Variants in TCF12 observed in about 807,000 individuals in gnomAD.
TCF12 encodes the protein DNA-binding protein HTF4.
In TCF12, 45 loss-of-function variants were observed where a neutral mutation model predicts 86.0. The ratio of observed to expected loss-of-function variants is 0.52; its 90% CI spans 0.41 to 0.67. The LOEUF is 0.67. Among genes scored for constraint, TCF12 ranks in the 30% least tolerant of loss-of-function variants. The pLI, the probability that TCF12 is intolerant of heterozygous loss-of-function variation, is 0.00. For missense variants in TCF12, 881 were observed against 859.9 expected, an observed-to-expected ratio of 1.02 and a Z score of -0.31; for synonymous variants, 330 against 299.6, an observed-to-expected ratio of 1.10 and a Z score of -1.05.
chr15:56,930,520 G>A (rs1190330529), intron 3 of TCF12, among the ~76,000 whole-genome samples: 1 of 152,160 alleles, frequency 6.6e-6, no homozygotes, highest in African/African-American at 2.4e-5. Context: ...TCGGATTTTA[G>A]AAAATGTTTT....
At chr15:57,078,122 T>C (rs1211842597) in intron 4 of TCF12, among the ~76,000 whole-genome samples, 2 of 152,208 alleles carry the variant, frequency 1.3e-5, no homozygotes, top group African/African-American at 4.8e-5. Context: ...ATTTTCCAGT[T>C]ATCAATATGT....
intron 4 of TCF12, among the ~76,000 whole-genome samples, chr15:57,078,557 G>A (rs1256858237): frequency 1.3e-5 from 2 of 152,140 alleles, no homozygotes; most frequent in Non-Finnish European, 2.9e-5. Context: ...CTGGCACAAT[G>A]CCTAATGTAT....
intron 4 of TCF12, among the ~76,000 whole-genome samples, chr15:57,067,919 C>T (rs2069041593): frequency 1.3e-5 from 2 of 152,148 alleles, no homozygotes; most frequent in African/African-American, 4.8e-5. Flanking sequence ...TGAGTTTGTT[C>T]CCTCTCTCCC....
At chr15:57,007,800 T>C (rs1028766328) in intron 3 of TCF12, among the ~76,000 whole-genome samples, 12 of 133,592 alleles carry the variant, frequency 9.0e-5, no homozygotes, top group South Asian at 2.4e-4. Context: ...CTCTCTTTCT[T>C]TCTTTCTTTC....
Position 57,267,391 on chromosome 15 carries a change from G to A in TCF12, c.1745+4117G>A, listed in dbSNP as rs77796692. Among the ~76,000 whole-genome samples, 1,438 of 152,308 alleles carry A rather than the reference G, an allele frequency of 9.4e-3. 11 individuals carry two copies. The highest frequency in any genetic ancestry group is 0.015 in the Non-Finnish European group (990 of 68,020). On this transcript the variant is annotated intron_variant, in intron 18 of 20. Coordinates refer to ENST00000333725, the MANE Select transcript of TCF12 (RefSeq NM_207037.2). ...CAGGGGCATAAGGAAGGAAAAAACTGTGTCAAGGAATTCAGAGACCACTCT... is the reference window on the plus strand; with the variant it reads ...CAGGGGCATAAGGAAGGAAAAAACTATGTCAAGGAATTCAGAGACCACTCT...
chr15:56,932,280 T>A lies in TCF12; in HGVS notation c.148+11182T>A, dbSNP rs192634450. Among the ~76,000 whole-genome samples the A allele has an allele frequency of 2.0e-5, 3 of 152,342 alleles. No individual in the cohort carries two copies. The East Asian group carries it at 5.8e-4, about 29-fold the overall frequency. On this transcript the variant is annotated intron_variant, in intron 3 of 20. Coordinates refer to ENST00000333725, the MANE Select transcript of TCF12 (RefSeq NM_207037.2). ...TGTAGGAAGTTGGTAACTGTTCATTTTACAGAGGAAATAGAGAAATCAACA... is the reference window on the plus strand; with the variant it reads ...TGTAGGAAGTTGGTAACTGTTCATTATACAGAGGAAATAGAGAAATCAACA...
intron 19 of TCF12, among the ~76,000 whole-genome samples, chr15:57,275,568 A>G (rs2061366157): frequency 6.6e-6 from 1 of 152,002 alleles, no homozygotes; most frequent in African/African-American, 2.4e-5. Context: ...TTGTATAGCC[A>G]CTGTCTTTTC....
At chr15:57,219,428 G>A (rs1566933621) in intron 8 of TCF12, 1 of 1,496,186 alleles carries the variant, frequency 6.7e-7, no homozygotes, top group Non-Finnish European at 9.0e-7. Flanking sequence ...TGAATGCATA[G>A]TACTGAAGAC....
intron 3 of TCF12, among the ~76,000 whole-genome samples, chr15:56,978,846 T>A (rs2062747728): frequency 6.6e-6 from 1 of 152,158 alleles, no homozygotes; most frequent in African/African-American, 2.4e-5. Flanking sequence ...TCATAAGAAA[T>A]TCTAAAGATA....
intron 3 of TCF12, among the ~76,000 whole-genome samples, chr15:56,958,972 C>T (rs74888785): frequency 3.2e-4 from 48 of 151,974 alleles, no homozygotes; most frequent in Non-Finnish European, 5.0e-4. Flanking sequence ...ACCTCAGTGC[C>T]CTTTATATGT....
intron 16 of TCF12, among the ~76,000 whole-genome samples, chr15:57,254,857 CAAA>C (rs777934020): frequency 9.7e-6 from 1 of 102,596 alleles, no homozygotes; most frequent in Non-Finnish European, 1.8e-5. Flanking sequence ...GACCCTGTCT[CAAA>C]AAAAAAAAAA....
In TCF12 at chr15:57,008,839, A is replaced by G. The variant is rs185650720; in HGVS notation, c.149-54911A>G. 5.3e-5 allele frequency among the ~76,000 whole-genome samples: 8 copies of G among 152,304 alleles called. No homozygotes were observed. The East Asian group carries it at 1.4e-3, about 26-fold the overall frequency. ...AAATTGTAGATAATGCAAAATTGCA[A>G]TATTTCATGATGTCCATGAAAGGGC... On this transcript the variant is annotated intron_variant, in intron 3 of 20. Transcript: ENST00000333725.
At position 56,935,060 on chromosome 15, in the gene TCF12, A is replaced by G. The variant is rs139811024; in HGVS notation, c.148+13962A>G. Reference sequence around the variant, plus strand: ...AAACAGCAAAACTAAAGACCTTGGAAACGGATAGTGAGGGTTCTTGAATAT... The same window carrying G: ...AAACAGCAAAACTAAAGACCTTGGAGACGGATAGTGAGGGTTCTTGAATAT... On this transcript the variant is annotated intron_variant, in intron 3 of 20. Coordinates refer to ENST00000333725, the MANE Select transcript of TCF12 (RefSeq NM_207037.2). 1.3e-4 allele frequency among the ~76,000 whole-genome samples: 20 copies of G among 152,320 alleles called. No individual in the cohort carries two copies. The East Asian group carries it at 3.7e-3, about 28-fold the overall frequency.
chr15:57,052,120 A>T (rs914282233), intron 3 of TCF12, among the ~76,000 whole-genome samples: 2 of 152,230 alleles, frequency 1.3e-5, no homozygotes, highest in Non-Finnish European at 2.9e-5. Flanking sequence ...TCTACATGAC[A>T]TTAATTTTTG....
intron 8 of TCF12, among the ~76,000 whole-genome samples, chr15:57,217,579 C>T (rs1399387053): frequency 6.6e-6 from 1 of 152,102 alleles, no homozygotes; most frequent in African/African-American, 2.4e-5. Context: ...AAAGTTTTCT[C>T]AGATTGAAGC....
At chr15:57,199,126 C>T (rs1410415109) in intron 8 of TCF12, among the ~76,000 whole-genome samples, 1 of 152,176 alleles carries the variant, frequency 6.6e-6, no homozygotes, top group African/African-American at 2.4e-5. Context: ...CTTGCATAAG[C>T]ACTTGGGCCC....
At chr15:57,245,095 C>G (rs558908486) in intron 13 of TCF12, among the ~76,000 whole-genome samples, 2 of 152,352 alleles carry the variant, frequency 1.3e-5, no homozygotes, top group African/African-American at 2.4e-5. Context: ...TTTTCCTAAT[C>G]AAGCCATTAG....
intron 2 of TCF12, 139 bp from the exon 3 acceptor site, chr15:56,920,887 T>G (rs2059761457): frequency 3.5e-6 from 2 of 571,276 alleles, no homozygotes; most frequent in African/African-American, 3.8e-5. Context: ...TTTGCCTCTC[T>G]GGATCTGAAT....
intron 3 of TCF12, among the ~76,000 whole-genome samples, chr15:57,011,675 C>G (rs1419082117): frequency 6.6e-6 from 1 of 152,112 alleles, no homozygotes; most frequent in East Asian, 1.9e-4. Context: ...CACTGTCACC[C>G]CTAATTTGCA....
Sources: allele counts gnomAD v4.1 joint callset (sites outside exome capture counted in the v4.1 genomes callset), GRCh38; gene constraint gnomAD v4.1.1; transcripts MANE v1.5; gene names NCBI Gene and HGNC (gene_info 2026-07-23, HGNC 2026-07-21).